Variants in SLC26A7 observed in about 807,000 individuals in gnomAD.
SLC26A7 encodes anion exchange transporter.
SLC26A7 carries 59 observed loss-of-function variants against 82.5 expected under a neutral mutation model. That is an observed-to-expected ratio of 0.72 (90% CI 0.58 to 0.89). SLC26A7 has a LOEUF of 0.89. SLC26A7 is among the 40% of genes least tolerant of loss of function. The pLI, the probability that SLC26A7 is intolerant of heterozygous loss-of-function variation, is 0.00. For missense variants in SLC26A7, 820 were observed against 793.0 expected (o/e 1.03, Z -0.41); for synonymous variants, 271 against 274.3 (o/e 0.99, Z 0.12).
At chr8:91,214,265 G>T (rs1809995802) in intron 1 of SLC26A7, among the ~76,000 whole-genome samples, 1 of 152,166 alleles carries the variant, frequency 6.6e-6, no homozygotes, top group Non-Finnish European at 1.5e-5. Context: ...AAGGGAGCTG[G>T]TTTGGGAGGC....
chr8:91,215,523 C>T (rs1319928415), intron 1 of SLC26A7, among the ~76,000 whole-genome samples: 12 of 151,884 alleles, frequency 7.9e-5, no homozygotes, highest in Admixed American at 7.2e-4. Flanking sequence ...TTAAAAAACA[C>T]GTAGAGAATA....
intron 2 of SLC26A7, among the ~76,000 whole-genome samples, chr8:91,253,793 A>C (rs1810725959): frequency 6.6e-6 from 1 of 151,980 alleles, no homozygotes; most frequent in Admixed American, 6.6e-5. Context: ...CTCTTTCCAC[A>C]CTAGTCTGTA....
At chr8:91,221,693 T>C (rs376737276) in intron 2 of SLC26A7, among the ~76,000 whole-genome samples, 4 of 152,088 alleles carry the variant, frequency 2.6e-5, no homozygotes, top group East Asian at 1.9e-4. Flanking sequence ...ATGTGTGGTA[T>C]TATTTCTGAG....
At chr8:91,234,796 CCTACCTACCTA>C (rs1563637431) in intron 2 of SLC26A7, among the ~76,000 whole-genome samples, 5 of 63,358 alleles carry the variant, frequency 7.9e-5, no homozygotes, top group African/African-American at 3.4e-4. Flanking sequence ...TCCCTCCCTA[CCTACCTACCTA>C]CCTACCTACC....
chr8:91,322,074 C>A (rs571422738), intron 5 of SLC26A7, among the ~76,000 whole-genome samples: 1 of 152,180 alleles, frequency 6.6e-6, no homozygotes, highest in South Asian at 2.1e-4. Context: ...GTAATAGATA[C>A]TAATGCTTTT....
At chr8:91,385,031 A>G (rs1814763498) in intron 15 of SLC26A7, among the ~76,000 whole-genome samples, 1 of 152,222 alleles carries the variant, frequency 6.6e-6, no homozygotes, top group African/African-American at 2.4e-5. Flanking sequence ...GCAACTATGA[A>G]TATTTTTTAA....
intron 5 of SLC26A7, among the ~76,000 whole-genome samples, chr8:91,323,818 C>CTTTTTTTT (rs3086210): frequency 8.5e-6 from 1 of 117,104 alleles, no homozygotes; most frequent in Non-Finnish European, 1.8e-5. Context: ...TTTTTCTTAT[C>CTTTTTTTT]TTTTTTTTTT....
intron 2 of SLC26A7, among the ~76,000 whole-genome samples, chr8:91,265,072 A>G (rs893151445): frequency 1.3e-5 from 2 of 151,700 alleles, no homozygotes; most frequent in African/African-American, 4.8e-5. Flanking sequence ...TCTACTAACC[A>G]CTATTTTACT....
chr8:91,389,524 G>A, intron 16 of SLC26A7, 86 bp downstream of exon 16: 1 of 954,416 alleles, frequency 1.0e-6, no homozygotes, highest in South Asian at 1.3e-5. Flanking sequence ...ATAGTCTTGA[G>A]CCTGCTTGTT....
At chr8:91,309,784 G>A (rs1461250654) in intron 4 of SLC26A7, among the ~76,000 whole-genome samples, 1 of 152,080 alleles carries the variant, frequency 6.6e-6, no homozygotes, top group Non-Finnish European at 1.5e-5. Flanking sequence ...CTGGAGTCTT[G>A]CGTTCCCTCT....
At position 91,249,804 on chromosome 8, in the gene SLC26A7, T is replaced by G; in HGVS notation, c.153T>G (p.Thr51=). Residue 51 remains threonine (T), a synonymous_variant, in exon 2 of 19, where the codon ACT becomes ACG. Transcript: ENST00000276609. ...YNLKENLLPD[T]VSGIMLAVQQ... is the part of the protein sequence containing the mutation. ...TGAAAGAAAACTTGCTTCCAGACAC[T>G]GTGTCTGGGATAATGTTGGCAGTTC... The G allele has an allele frequency of 1.2e-6, 2 of 1,609,680 alleles. No homozygotes were observed. Among genetic ancestry groups the G allele is most frequent in the Non-Finnish European group, 1.7e-6 (2 of 1,178,444 alleles).
At chr8:91,277,903 C>G (rs79703340) in intron 2 of SLC26A7, among the ~76,000 whole-genome samples, 16,713 of 152,034 alleles carry the variant, frequency 0.11, 1,073 homozygotes, top group Middle Eastern at 0.2. Flanking sequence ...TGTGCTACTA[C>G]CATATATCAT....
chr8:91,221,511 A>C (rs1810159810), intron 2 of SLC26A7, among the ~76,000 whole-genome samples: 1 of 152,146 alleles, frequency 6.6e-6, no homozygotes, highest in Non-Finnish European at 1.5e-5. Context: ...TTTAAGTCTT[A>C]CATTAAGTCT....
chr8:91,327,204 T>TTTTG (rs1052033899), intron 5 of SLC26A7, among the ~76,000 whole-genome samples: 1 of 152,046 alleles, frequency 6.6e-6, no homozygotes, highest in East Asian at 1.9e-4. Context: ...TTTGCTTGTT[T>TTTTG]TTTGTTTGTT....
intron 2 of SLC26A7, among the ~76,000 whole-genome samples, chr8:91,256,965 G>T (rs1810820894): frequency 6.6e-6 from 1 of 152,040 alleles, no homozygotes; most frequent in South Asian, 2.1e-4. Context: ...TGCCCAGCTT[G>T]CTTCTAGCAT....
At chr8:91,348,933 A>C in intron 9 of SLC26A7, among the ~76,000 whole-genome samples, 1 of 152,202 alleles carries the variant, frequency 6.6e-6, no homozygotes, top group East Asian at 1.9e-4. Flanking sequence ...CACTGCAAAT[A>C]TTTGATCTTA....
chr8:91,279,551 T>C (rs1811508968), intron 2 of SLC26A7, among the ~76,000 whole-genome samples: 1 of 152,086 alleles, frequency 6.6e-6, no homozygotes, highest in African/African-American at 2.4e-5. Context: ...ATTAGTGTTG[T>C]TGTGTATTTT....
intron 2 of SLC26A7, among the ~76,000 whole-genome samples, 157 bp downstream of exon 2, chr8:91,250,001 C>T (rs957435336): frequency 6.6e-6 from 1 of 152,038 alleles, no homozygotes; most frequent in Non-Finnish European, 1.5e-5. Flanking sequence ...GAAGAGTTTT[C>T]CTAATTGTCT....
At chr8:91,288,156 T>A (rs7828899) in intron 2 of SLC26A7, among the ~76,000 whole-genome samples, 106,006 of 152,036 alleles carry the variant, frequency 0.7, 37,471 homozygotes, top group Non-Finnish European at 0.76. Flanking sequence ...CAACAGTAAA[T>A]ATTATTGATA....
Sources: allele counts gnomAD v4.1 joint callset (sites outside exome capture counted in the v4.1 genomes callset), GRCh38; gene constraint gnomAD v4.1.1; transcripts MANE v1.5; gene names NCBI Gene and HGNC (gene_info 2026-07-23, HGNC 2026-07-21).